PDXDC1: variants seen among roughly 807,000 people sequenced by gnomAD.
PDXDC1 encodes the protein pyridoxal dependent decarboxylase domain containing 1, also known as pyridoxal-dependent decarboxylase domain-containing protein 1.
Under a neutral mutation model 100.1 loss-of-function variants are expected in PDXDC1, and 42 were observed. The ratio of observed to expected loss-of-function variants is 0.42; its 90% CI spans 0.33 to 0.54. The LOEUF is 0.54. Among genes scored for constraint, PDXDC1 ranks in the 20% least tolerant of loss-of-function variants. The pLI is 0.10. For missense variants in PDXDC1, 636 were observed against 979.2 expected (o/e 0.65, Z 4.68); for synonymous variants, 260 against 371.7 (o/e 0.70, Z 3.46).
intron 1 of PDXDC1, among the ~76,000 whole-genome samples, chr16:14,977,536 C>T (rs1000114780): frequency 1.3e-5 from 2 of 152,276 alleles, no homozygotes; most frequent in East Asian, 3.8e-4. Flanking sequence ...CCTCAGCCTC[C>T]CACGGTGCTG....
At chr16:15,092,902 T>C (rs1452765187) in intron 16 of PDXDC1, among the ~76,000 whole-genome samples, 1 of 152,234 alleles carries the variant, frequency 6.6e-6, no homozygotes, top group Non-Finnish European at 1.5e-5. Context: ...CTTGTTTTAC[T>C]ACAGCCATAA....
At chr16:15,051,249 C>G (rs949567589) in intron 16 of PDXDC1, among the ~76,000 whole-genome samples, 1 of 152,278 alleles carries the variant, frequency 6.6e-6, no homozygotes, top group African/African-American at 2.4e-5. Context: ...GACCAAAAAT[C>G]ATGTCTCTCT....
At chr16:15,035,265 T>C (rs567825265) in intron 21 of PDXDC1, among the ~76,000 whole-genome samples, 184 bp from the exon 22 acceptor site, 17 of 152,330 alleles carry the variant, frequency 1.1e-4, no homozygotes, top group South Asian at 2.1e-4. Flanking sequence ...CTGGCGGTAC[T>C]GGCCCTGTGA....
At chr16:15,072,559 TG>T (rs1225195973) in intron 16 of PDXDC1, among the ~76,000 whole-genome samples, 1 of 152,112 alleles carries the variant, frequency 6.6e-6, no homozygotes, top group East Asian at 1.9e-4. Flanking sequence ...CCCAACGCTT[TG>T]CGGGGCAGGA....
the PDXDC1 span, among the ~76,000 whole-genome samples, chr16:15,149,574 C>T: frequency 6.6e-5 from 10 of 152,144 alleles, no homozygotes; most frequent in South Asian, 2.1e-4. Flanking sequence ...GCAGGGGCCC[C>T]GGGGTCTGCG....
intron 16 of PDXDC1, chr16:15,083,384 G>A (rs1329138620): frequency 3.5e-6 from 5 of 1,417,936 alleles, no homozygotes; most frequent in Non-Finnish European, 4.7e-6. Flanking sequence ...GGGCGACAGA[G>A]TGAGACTCGG....
At chr16:14,976,427 A>G (rs1040361329) in intron 1 of PDXDC1, among the ~76,000 whole-genome samples, 3 of 152,292 alleles carry the variant, frequency 2.0e-5, no homozygotes, top group Non-Finnish European at 2.9e-5. Flanking sequence ...ATGTGCTCAC[A>G]GTGGTATAGC....
chr16:15,137,889 C>G lies in PDXDC1; in HGVS notation c.1400-990C>G, dbSNP rs2048400822. On this transcript the variant is annotated intron_variant, in intron 16 of 16. Coordinates refer to the PDXDC1 transcript ENST00000535621. ...GCCCATCGCGGCAGCCACGCCAGGCCACAGTCACACTCAAACGGGTTCCCA... is the reference window on the plus strand; with the variant it reads ...GCCCATCGCGGCAGCCACGCCAGGCGACAGTCACACTCAAACGGGTTCCCA... 1.3e-5 allele frequency: 13 copies of G among 979,970 alleles called. No homozygotes were observed. In the South Asian group the frequency reaches 1.8e-4, roughly 13 times the overall value. The allele number at this position is 979,970 out of a possible 1,614,324, so 60.7% of individuals were successfully genotyped here.
intron 6 of PDXDC1, among the ~76,000 whole-genome samples, chr16:15,007,354 T>A (rs1209206694): frequency 6.6e-6 from 1 of 152,210 alleles, no homozygotes; most frequent in Non-Finnish European, 1.5e-5. Context: ...TGTATTTTTT[T>A]TAGTAGAGAT....
At chr16:14,974,792 G>A (rs190663988), upstream of PDXDC1, 1,161 of 1,535,400 alleles carry the variant, frequency 7.6e-4, 7 homozygotes, top group African/African-American at 0.015. Flanking sequence ...GGAAGCCTGG[G>A]CCCGGAAGTG....
downstream of PDXDC1, among the ~76,000 whole-genome samples, chr16:15,143,665 C>T (rs997544803): frequency 1.3e-5 from 2 of 152,184 alleles, no homozygotes; most frequent in African/African-American, 4.8e-5. Flanking sequence ...GCTCCTGGGC[C>T]GGGGGAGCCG....
At chr16:14,975,419 G>C (rs1567593473) in intron 1 of PDXDC1, 199 bp downstream of exon 1, 2 of 985,152 alleles carry the variant, frequency 2.0e-6, no homozygotes, top group African/African-American at 3.5e-5. Context: ...TTGGGTCCCC[G>C]TGGGCCGAAG....
At chr16:15,011,206 T>A (rs1434506130) in intron 8 of PDXDC1, among the ~76,000 whole-genome samples, 1 of 152,296 alleles carries the variant, frequency 6.6e-6, no homozygotes, top group Non-Finnish European at 1.5e-5. Flanking sequence ...TAAGACTGTG[T>A]GAGATTAACC....
chr16:15,148,446 T>G, the PDXDC1 span, among the ~76,000 whole-genome samples: 1 of 139,932 alleles, frequency 7.1e-6, no homozygotes, highest in African/African-American at 2.7e-5. Flanking sequence ...TGCAGTGGTG[T>G]GATCACAGCT....
Position 15,028,875 on chromosome 16 carries a change from C to T in PDXDC1, c.1205-3C>T, listed in dbSNP as rs373953437. 6.7e-4 allele frequency: 1,088 copies of T among 1,612,770 alleles called. 1 individual carries two copies. The African/African-American group carries it at 0.013, about 19-fold the overall frequency. On this transcript the variant is annotated splice_region_variant and splice_polypyrimidine_tract_variant and intron_variant, in intron 14 of 22. Transcript: ENST00000396410. ...TGACTCCCTTTCTGTGTTTTGGTGT[C>T]AGATCCGGTGTTTAAAGCCGTCCCA...
At chr16:14,979,762 T>C (rs1967533218) in intron 1 of PDXDC1, among the ~76,000 whole-genome samples, 1 of 152,292 alleles carries the variant, frequency 6.6e-6, no homozygotes, top group Admixed American at 6.5e-5. Context: ...CTTGCTGTTA[T>C]GCTAGAGGTT....
At chr16:15,133,308 G>C in intron 16 of PDXDC1, 3 of 1,567,110 alleles carry the variant, frequency 1.9e-6, no homozygotes, top group Non-Finnish European at 2.6e-6. Context: ...TCGATGACGT[G>C]CTGGGGATCG....
chr16:14,998,441 G>T, intron 3 of PDXDC1, 36 bp downstream of exon 3: 1 of 1,595,842 alleles, frequency 6.3e-7, no homozygotes, highest in Non-Finnish European at 8.5e-7. Flanking sequence ...TTTAGTTAAG[G>T]TGTAAATTTT....
chr16:15,011,650 T>TG (rs2041296318), intron 8 of PDXDC1, among the ~76,000 whole-genome samples: 1 of 147,758 alleles, frequency 6.8e-6, no homozygotes, highest in Non-Finnish European at 1.5e-5. Context: ...TTTTTTTTTT[T>TG]GTCTTTTTCT....
Sources: allele counts gnomAD v4.1 joint callset (sites outside exome capture counted in the v4.1 genomes callset), GRCh38; gene constraint gnomAD v4.1.1; transcripts MANE v1.5; gene names NCBI Gene and HGNC (gene_info 2026-07-23, HGNC 2026-07-21).